The following IRAG1 variants were observed in gnomAD, a reference collection of about 807,000 sequenced individuals.
IRAG1 encodes the protein IP3R-associated cGMP kinase substrate.
Under a neutral mutation model 106.2 loss-of-function variants are expected in IRAG1, and 62 were observed. That is an observed-to-expected ratio of 0.58 (90% CI 0.48 to 0.72). The LOEUF is 0.72. Ranked by LOEUF, IRAG1 falls within the 30% of genes least tolerant of loss-of-function variation. The pLI, the probability that IRAG1 is intolerant of heterozygous loss-of-function variation, is 0.00. For synonymous variants in IRAG1, 462 were observed against 443.9 expected, an observed-to-expected ratio of 1.04 and a Z score of -0.51; for missense variants, 1,064 against 1,140.7, an observed-to-expected ratio of 0.93 and a Z score of 0.97.
At chr11:10,673,603 C>T (rs1860423722) in intron 1 of IRAG1, among the ~76,000 whole-genome samples, 1 of 151,946 alleles carries the variant, frequency 6.6e-6, no homozygotes, top group South Asian at 2.1e-4. Context: ...TCTGAATATA[C>T]TAAAATCCAC....
At chr11:10,679,749 A>C (rs1204668903) in intron 1 of IRAG1, among the ~76,000 whole-genome samples, 1 of 151,960 alleles carries the variant, frequency 6.6e-6, no homozygotes, top group Non-Finnish European at 1.5e-5. Context: ...GTTCTGTACA[A>C]CTCCAGATCT....
intron 14 of IRAG1, among the ~76,000 whole-genome samples, chr11:10,602,643 G>A (rs1470432188): frequency 7.0e-6 from 1 of 142,444 alleles, no homozygotes; most frequent in East Asian, 1.9e-4. Flanking sequence ...ATATTTATAG[G>A]GTTGCTGGGT....
rs374986559 is a variant in IRAG1 at position 10,626,573 on chromosome 11, T to C, written c.761A>G (p.Lys254Arg). 2.7e-5 allele frequency: 44 copies of C among 1,602,106 alleles called. 1 individual carries two copies. The highest frequency in any genetic ancestry group is 3.3e-5 in the Non-Finnish European group (39 of 1,172,628). The stretch of plus-strand genomic sequence containing the variant: ...ATTCTGCTTCCTGTCAGCTAGCCCT[T>C]TGGGGACGTTCTGAAAAAGACAAGG... The part of the protein sequence containing the change: ...SPHPGEPNVP[K>R]GLADRKQNDQ... The change falls in exon 9 of 21, where the codon AAA becomes AGA. Residue 254 changes from lysine (K) to arginine (R), a missense_variant. By Grantham distance (26) the Lys-to-Arg change is conservative. Coordinates refer to ENST00000423302, the MANE Select transcript of IRAG1 (RefSeq NM_130385.4).
At chr11:10,608,119 A>T (rs1035902275) in intron 11 of IRAG1, among the ~76,000 whole-genome samples, 10 of 151,594 alleles carry the variant, frequency 6.6e-5, no homozygotes, top group African/African-American at 2.4e-4. Flanking sequence ...TTTTTATTTT[A>T]TTTATTTATT....
chr11:10,679,924 A>G (rs189244646), intron 1 of IRAG1, among the ~76,000 whole-genome samples: 2 of 152,266 alleles, frequency 1.3e-5, no homozygotes, highest in East Asian at 3.9e-4. Context: ...ATGTTTCCCA[A>G]ATTTATTTGA....
intron 1 of IRAG1, among the ~76,000 whole-genome samples, chr11:10,683,684 C>A (rs901753493): frequency 6.6e-6 from 1 of 152,174 alleles, no homozygotes; most frequent in African/African-American, 2.4e-5. Flanking sequence ...CTGGGCCTTT[C>A]CTCCCTTGCT....
At chr11:10,641,539 G>C (rs1857509359) in intron 2 of IRAG1, among the ~76,000 whole-genome samples, 1 of 152,170 alleles carries the variant, frequency 6.6e-6, no homozygotes, top group Non-Finnish European at 1.5e-5. Context: ...GTGGGTTACA[G>C]ACATGGAAGC....
intron 1 of IRAG1, among the ~76,000 whole-genome samples, chr11:10,692,913 A>AGGGCCGGGCAC (rs1403743859): frequency 2.0e-5 from 3 of 152,206 alleles, no homozygotes; most frequent in African/African-American, 7.2e-5. Flanking sequence ...GGAGGTGAGC[A>AGGGCCGGGCAC]GGGCCGGGCA....
At chr11:10,609,938 T>C in intron 10 of IRAG1, 87 bp from the exon 11 acceptor site, 7 of 1,343,908 alleles carry the variant, frequency 5.2e-6, no homozygotes, top group Non-Finnish European at 7.2e-6. Flanking sequence ...TTGACATTTA[T>C]AAGTATCTAG....
chr11:10,596,558 C>G (rs1158800957), intron 15 of IRAG1, among the ~76,000 whole-genome samples: 1 of 152,162 alleles, frequency 6.6e-6, no homozygotes, highest in Non-Finnish European at 1.5e-5. Flanking sequence ...TCTAGAAAAT[C>G]CTTAGCCATT....
chr11:10,623,288 A>G (rs1398831699), intron 10 of IRAG1, among the ~76,000 whole-genome samples: 1 of 152,146 alleles, frequency 6.6e-6, no homozygotes, highest in African/African-American at 2.4e-5. Flanking sequence ...GCGGGGGCTG[A>G]AGCCTCATTT....
intron 1 of IRAG1, among the ~76,000 whole-genome samples, chr11:10,685,416 C>CCAA (rs1554936726): frequency 1.5e-5 from 2 of 136,600 alleles, no homozygotes; most frequent in African/African-American, 5.5e-5. Flanking sequence ...ATTCCGTTCC[C>CCAA]AAAAAAAAAA....
chr11:10,669,001 T>C (rs181057572), intron 1 of IRAG1, among the ~76,000 whole-genome samples: 10 of 152,238 alleles, frequency 6.6e-5, no homozygotes, highest in Admixed American at 6.5e-4. Context: ...ATATTTCCCC[T>C]GATAGAGAGG....
intron 15 of IRAG1, among the ~76,000 whole-genome samples, chr11:10,598,484 G>T (rs1456492422): frequency 6.6e-6 from 1 of 152,126 alleles, no homozygotes; most frequent in Non-Finnish European, 1.5e-5. Flanking sequence ...CTTACAAGTG[G>T]CAAAGGTCAT....
chr11:10,635,965 G>A (rs557468838), intron 2 of IRAG1, among the ~76,000 whole-genome samples: 3 of 152,152 alleles, frequency 2.0e-5, no homozygotes, highest in East Asian at 1.9e-4. Flanking sequence ...AGAATCTCCC[G>A]GGACATGGAA....
At chr11:10,606,624 G>T in intron 12 of IRAG1, 118 bp downstream of exon 12, 1 of 1,021,898 alleles carries the variant, frequency 9.8e-7, no homozygotes, top group Non-Finnish European at 1.4e-6. Flanking sequence ...TTACCCCACA[G>T]TCACTCTTTC....
At chr11:10,653,567 C>A (rs184326365) in intron 1 of IRAG1, among the ~76,000 whole-genome samples, 14 of 152,262 alleles carry the variant, frequency 9.2e-5, no homozygotes, top group Admixed American at 7.8e-4. Context: ...GTAGAAAGAA[C>A]ACAGGCTTTG....
intron 17 of IRAG1, among the ~76,000 whole-genome samples, chr11:10,593,013 T>C (rs1279291482): frequency 6.6e-6 from 1 of 152,230 alleles, no homozygotes; most frequent in African/African-American, 2.4e-5. Flanking sequence ...ACCAATCTCT[T>C]ATTAGTGAAC....
At chr11:10,613,807 C>A (rs1855174049) in intron 10 of IRAG1, among the ~76,000 whole-genome samples, 1 of 152,156 alleles carries the variant, frequency 6.6e-6, no homozygotes, top group Admixed American at 6.5e-5. Context: ...TTCTTATCTT[C>A]CGTATTCTTG....
Sources: gnomAD v4.1 joint callset for allele counts (sites outside exome capture counted in the v4.1 genomes callset) on GRCh38, gnomAD v4.1.1 for gene constraint, MANE v1.5 for transcripts, NCBI Gene and HGNC (gene_info 2026-07-23, HGNC 2026-07-21) for gene names.